The following MIER2 variants were observed in gnomAD, a reference collection of about 807,000 sequenced individuals.
MIER2 encodes mesoderm induction early response protein 2.
MIER2 carries 30 observed loss-of-function variants against 67.6 expected under a neutral mutation model. The observed-to-expected ratio is 0.44, with a 90% CI of 0.33 to 0.60. The LOEUF (loss-of-function observed/expected upper bound fraction) is 0.60, where lower values mean the gene tolerates loss of function less well. Among genes scored for constraint, MIER2 ranks in the 20% least tolerant of loss-of-function variants. The pLI is 0.02. For synonymous variants in MIER2, 372 were observed against 312.6 expected (o/e 1.19, Z -2.00); for missense variants, 702 against 745.1 (o/e 0.94, Z 0.67).
intron 7 of MIER2, among the ~76,000 whole-genome samples, chr19:317,862 A>G (rs988383218): frequency 6.6e-6 from 1 of 152,210 alleles, no homozygotes; most frequent in African/African-American, 2.4e-5. Context: ...AAAAATGTAC[A>G]TGGACTAAAA....
chr19:307,575 C>T (rs772597692), intron 12 of MIER2, 39 bp from the exon 13 acceptor site: 97 of 1,470,762 alleles, frequency 6.6e-5, no homozygotes, highest in Non-Finnish European at 8.2e-5. Flanking sequence ...GGCCTGCCCA[C>T]AGCCGCGGAT....
chr19:331,238 G>C (rs1282957778), intron 3 of MIER2, among the ~76,000 whole-genome samples: 1 of 151,792 alleles, frequency 6.6e-6, no homozygotes, highest in Non-Finnish European at 1.5e-5. Context: ...GGCACCTGTA[G>C]TCCCAGCTAC....
intron 1 of MIER2, among the ~76,000 whole-genome samples, chr19:342,148 T>C (rs1972534116): frequency 6.6e-6 from 1 of 152,116 alleles, no homozygotes; most frequent in Non-Finnish European, 1.5e-5. Flanking sequence ...TGCCAGGCGC[T>C]TGTTGGACTA....
At chr19:329,422 A>G (rs186367284) in intron 3 of MIER2, among the ~76,000 whole-genome samples, 42 of 152,232 alleles carry the variant, frequency 2.8e-4, no homozygotes, top group Admixed American at 2.0e-3. Flanking sequence ...TCCTAAGAGC[A>G]CTCAGCCGTG....
Position 319,466 on chromosome 19 carries a change from T to G in MIER2, c.656-5823A>C, listed in dbSNP as rs139437365. ...GTAATACAATTGATAAAACTTTTTG[T>G]TTTTGTTTTTGAGACGGAGTCTCGC... On this transcript the variant is annotated intron_variant, in intron 7 of 13. Coordinates refer to ENST00000264819, the MANE Select transcript of MIER2 (RefSeq NM_017550.3). 9.1e-3 allele frequency among the ~76,000 whole-genome samples: 1,380 copies of G among 152,284 alleles called. 25 individuals are homozygous for G. The highest frequency in any genetic ancestry group is 0.032 in the African/African-American group (1,319 of 41,554).
chr19:343,318 A>G (rs1193393302), intron 1 of MIER2, among the ~76,000 whole-genome samples: 1 of 152,160 alleles, frequency 6.6e-6, no homozygotes, highest in Non-Finnish European at 1.5e-5. Context: ...AGATTCCAGG[A>G]GCACAACTCA....
intron 5 of MIER2, 57 bp from the exon 6 acceptor site, chr19:326,655 C>A: frequency 7.5e-7 from 1 of 1,327,076 alleles, no homozygotes; most frequent in African/African-American, 1.4e-5. Context: ...GCCTATACAA[C>A]CCCTTCTCTC....
chr19:336,042 G>A, intron 2 of MIER2, 41 bp downstream of exon 2: 2 of 1,586,114 alleles, frequency 1.3e-6, no homozygotes, highest in Non-Finnish European at 1.7e-6. Flanking sequence ...AGCCACAAAG[G>A]CCTTGGCGGA....
At chr19:344,224 T>A (rs928301207) in intron 1 of MIER2, 3 of 985,158 alleles carry the variant, frequency 3.0e-6, no homozygotes, top group African/African-American at 3.5e-5. Context: ...GCCAGGCGGG[T>A]CCGCGTCGGG....
Position 311,696 on chromosome 19 carries a change from C to T in MIER2, c.984+149G>A, listed in dbSNP as rs183868124. On this transcript the variant is annotated intron_variant, in intron 10 of 13. Transcript: ENST00000264819. ...CCACAGCAGTCAGTAGCAAAAAATG[C>T]AGAAGACAGCAATGGGCACACGGTG... The T allele has an allele frequency of 7.0e-4, 480 of 687,348 alleles. No individual in the cohort carries two copies. In the African/African-American group the frequency reaches 7.8e-3, roughly 11 times the overall value. The allele number at this position is 687,348 out of a possible 1,614,324, so 42.6% of individuals were successfully genotyped here.
intron 1 of MIER2, chr19:343,953 C>A: frequency 2.0e-6 from 2 of 985,446 alleles, no homozygotes; most frequent in Non-Finnish European, 1.2e-6. Context: ...TATCTGTTGT[C>A]TTATCCTAGA....
At chr19:316,966 C>G (rs1399705298) in intron 7 of MIER2, among the ~76,000 whole-genome samples, 1 of 151,966 alleles carries the variant, frequency 6.6e-6, no homozygotes, top group Non-Finnish European at 1.5e-5. Flanking sequence ...AAGACTCTAT[C>G]TCAAAAAAAA....
intron 2 of MIER2, among the ~76,000 whole-genome samples, chr19:335,596 G>A (rs1972209411): frequency 6.6e-6 from 1 of 152,178 alleles, no homozygotes; most frequent in Admixed American, 6.5e-5. Flanking sequence ...AGAGACCCTT[G>A]CCCTACAGCG....
chr19:332,752 A>T (rs931758316), intron 3 of MIER2, among the ~76,000 whole-genome samples: 2 of 94,910 alleles, frequency 2.1e-5, no homozygotes, highest in Non-Finnish European at 4.1e-5. Context: ...TGTCAGTTTT[A>T]ACTTTTCATG....
At position 308,987 on chromosome 19, in the gene MIER2, C is replaced by A; in HGVS notation, c.985-62G>T. 6.4e-7 allele frequency: 1 copy of A among 1,564,030 alleles called. No homozygotes were observed. The highest frequency in any genetic ancestry group is 8.7e-7 in the Non-Finnish European group (1 of 1,149,824). On this transcript the variant is annotated intron_variant, in intron 10 of 13. Coordinates refer to ENST00000264819, the MANE Select transcript of MIER2 (RefSeq NM_017550.3). The surrounding 1 kb of genome is among the most constrained non-coding windows in gnomAD (Gnocchi z 9.1). ...CTGCCCAGCCCCAGCACCTGCACCA[C>A]GATCCCAGGACGTCCTGGGACCCCG...
At chr19:328,211 G>A (rs187852737) in intron 3 of MIER2, among the ~76,000 whole-genome samples, 2 of 152,212 alleles carry the variant, frequency 1.3e-5, no homozygotes, top group East Asian at 3.9e-4. Flanking sequence ...GGGGTCACCG[G>A]CCAGGGAAGA....
chr19:344,586 CGGCCGGGGGCGGCCGCCGAT>C, intron 1 of MIER2, 168 bp downstream of exon 1: 1 of 244,582 alleles, frequency 4.1e-6, no homozygotes. Flanking sequence ...GGGTGGGGGC[CGGCCGGGGGCGGCCGCCGAT>C]GGAGCCCCGC....
At chr19:326,226 C>T (rs1003595769) in intron 6 of MIER2, among the ~76,000 whole-genome samples, 1 of 151,350 alleles carries the variant, frequency 6.6e-6, no homozygotes, top group Non-Finnish European at 1.5e-5. Flanking sequence ...GTCGGGATGC[C>T]AGGTTGGGGA....
At chr19:321,980 CT>C (rs1971523915) in intron 7 of MIER2, among the ~76,000 whole-genome samples, 1 of 152,174 alleles carries the variant, frequency 6.6e-6, no homozygotes, top group African/African-American at 2.4e-5. Context: ...TCTCGGCTCA[CT>C]GCAAGCTCCG....
Sources: allele counts gnomAD v4.1 joint callset (sites outside exome capture counted in the v4.1 genomes callset), GRCh38; gene constraint gnomAD v4.1.1; non-coding constraint Gnocchi (gnomAD v3.1); transcripts MANE v1.5; gene names NCBI Gene and HGNC (gene_info 2026-07-23, HGNC 2026-07-21).